Variants in SLC25A26 observed in about 807,000 individuals in gnomAD.
SLC25A26 encodes solute carrier family 25 member 26.
A neutral mutation model predicts 37.8 loss-of-function variants in SLC25A26; 36 were observed. That is an observed-to-expected ratio of 0.95 (90% CI 0.73 to 1.26). The LOEUF (loss-of-function observed/expected upper bound fraction) is 1.26, where lower values mean the gene tolerates loss of function less well. Ranked by LOEUF, SLC25A26 falls within the 50% of genes most tolerant of loss-of-function variation. SLC25A26 has a pLI of 0.00. For missense variants in SLC25A26, 390 were observed against 331.1 expected, an observed-to-expected ratio of 1.18 and a Z score of -1.38; for synonymous variants, 129 against 122.5, an observed-to-expected ratio of 1.05 and a Z score of -0.35.
At chr3:66,262,395 C>CTT (rs2073565806) in intron 4 of SLC25A26, among the ~76,000 whole-genome samples, 2 of 152,106 alleles carry the variant, frequency 1.3e-5, no homozygotes, top group Non-Finnish European at 2.9e-5. Context: ...AATCTTCCTG[C>CTT]AGTTCTTCTG....
At chr3:66,191,325 G>A (rs1463881600) in intron 1 of SLC25A26, among the ~76,000 whole-genome samples, 3 of 152,172 alleles carry the variant, frequency 2.0e-5, no homozygotes, top group Non-Finnish European at 2.9e-5. Flanking sequence ...AATCCAGGAG[G>A]TTGAGGCTGC....
intron 1 of SLC25A26, among the ~76,000 whole-genome samples, chr3:66,151,313 A>G (rs1466303558): frequency 2.0e-5 from 3 of 151,850 alleles, no homozygotes; most frequent in Non-Finnish European, 2.9e-5. Context: ...AAGCTGGTCT[A>G]CTCTGCTAGG....
At chr3:66,292,205 G>A (rs1436732931) in intron 5 of SLC25A26, among the ~76,000 whole-genome samples, 8 of 152,064 alleles carry the variant, frequency 5.3e-5, no homozygotes, top group Non-Finnish European at 1.2e-4. Context: ...TTGCACATGA[G>A]ATGGGCCTCC....
chr3:66,310,145 T>C (rs2075336571), intron 5 of SLC25A26, among the ~76,000 whole-genome samples: 1 of 152,244 alleles, frequency 6.6e-6, no homozygotes, highest in Non-Finnish European at 1.5e-5. Flanking sequence ...AGTTTCTTTG[T>C]AGGTCTCTAA....
upstream of SLC25A26, among the ~76,000 whole-genome samples, chr3:66,218,626 T>A: frequency 6.6e-6 from 1 of 152,338 alleles, no homozygotes; most frequent in South Asian, 2.1e-4. Flanking sequence ...GTGTAAACAA[T>A]AGACTATTGC....
chr3:66,275,788 C>G (rs1226981983), intron 5 of SLC25A26, among the ~76,000 whole-genome samples: 1 of 152,002 alleles, frequency 6.6e-6, no homozygotes, highest in South Asian at 2.1e-4. Context: ...ACAGTTACTC[C>G]TGTAACTATT....
At chr3:66,153,111 T>C (rs962731393) in intron 1 of SLC25A26, among the ~76,000 whole-genome samples, 5 of 152,206 alleles carry the variant, frequency 3.3e-5, no homozygotes, top group Non-Finnish European at 7.3e-5. Flanking sequence ...AGGGGCCATT[T>C]ATCAATGCAA....
intron 5 of SLC25A26, among the ~76,000 whole-genome samples, chr3:66,280,656 A>G (rs371201228): frequency 1.3e-5 from 2 of 152,284 alleles, no homozygotes; most frequent in East Asian, 3.9e-4. Flanking sequence ...ATGCATAGTA[A>G]CACCACCTTT....
At chr3:66,316,522 C>T (rs965981240) in intron 5 of SLC25A26, among the ~76,000 whole-genome samples, 8 of 152,094 alleles carry the variant, frequency 5.3e-5, no homozygotes, top group Non-Finnish European at 1.0e-4. Flanking sequence ...AGATGAGCGG[C>T]CTTTCTCTCT....
intron 9 of SLC25A26, among the ~76,000 whole-genome samples, chr3:66,374,818 T>TTGC (rs1021086387): frequency 3.3e-5 from 5 of 151,620 alleles, no homozygotes; most frequent in Admixed American, 6.6e-5. Context: ...CAGGTAGAGG[T>TTGC]TGCTGTGGGC....
intron 1 of SLC25A26, among the ~76,000 whole-genome samples, chr3:66,223,051 G>C (rs561641643): frequency 4.6e-5 from 7 of 152,298 alleles, no homozygotes; most frequent in Non-Finnish European, 7.4e-5. Context: ...GGGTATTGTG[G>C]TAGGCTTTGT....
intron 6 of SLC25A26, among the ~76,000 whole-genome samples, chr3:66,354,432 A>G (rs1319016953): frequency 6.6e-6 from 1 of 152,216 alleles, no homozygotes; most frequent in East Asian, 1.9e-4. Flanking sequence ...ATGCATTATC[A>G]CTTCACTTAT....
At chr3:66,368,737 G>T (rs1700171059) in intron 7 of SLC25A26, among the ~76,000 whole-genome samples, 1 of 152,176 alleles carries the variant, frequency 6.6e-6, no homozygotes, top group South Asian at 2.1e-4. Context: ...AGTGGTCCAG[G>T]CTGGGCGTGG....
intron 5 of SLC25A26, among the ~76,000 whole-genome samples, chr3:66,307,104 C>A (rs2075248219): frequency 6.6e-6 from 1 of 152,202 alleles, no homozygotes; most frequent in South Asian, 2.1e-4. Flanking sequence ...AATGGTTAAA[C>A]TAATTTACAC....
intron 3 of SLC25A26, among the ~76,000 whole-genome samples, chr3:66,254,715 G>A (rs534794921): frequency 1.3e-5 from 2 of 152,346 alleles, no homozygotes; most frequent in Non-Finnish European, 2.9e-5. Context: ...GTAGCTCTCT[G>A]ACCTTCAGCA....
chr3:66,357,307 A>G (rs1487901437), intron 6 of SLC25A26, among the ~76,000 whole-genome samples: 1 of 152,212 alleles, frequency 6.6e-6, no homozygotes, highest in Non-Finnish European at 1.5e-5. Flanking sequence ...CCAGTTACTC[A>G]GGAGGCTGAG....
intron 5 of SLC25A26, among the ~76,000 whole-genome samples, chr3:66,345,367 C>T (rs2076295325): frequency 6.6e-6 from 1 of 151,980 alleles, no homozygotes; most frequent in Non-Finnish European, 1.5e-5. Context: ...CTGTCTGCTT[C>T]CTCTTTCTTC....
chr3:66,241,037 G>A lies in SLC25A26; in HGVS notation c.191-2166G>A, dbSNP rs139213863. 6.8e-3 allele frequency among the ~76,000 whole-genome samples: 1,042 copies of A among 152,232 alleles called. 14 individuals are homozygous for A. Among genetic ancestry groups the A allele is most frequent in the African/African-American group, 0.024 (983 of 41,528 alleles). ...GCTGGGAATACAGGCGTGAGCCACC[G>A]TACCTGGCCACCTTTTCTTAATTTT... is the stretch of plus-strand genomic sequence containing the variant. On this transcript the variant is annotated intron_variant, in intron 2 of 9. Coordinates refer to ENST00000354883, the MANE Select transcript of SLC25A26 (RefSeq NM_001379210.1).
intron 6 of SLC25A26, among the ~76,000 whole-genome samples, chr3:66,361,839 C>T (rs1342791060): frequency 6.6e-6 from 1 of 151,962 alleles, no homozygotes; most frequent in African/African-American, 2.4e-5. Context: ...TGTTGGCAGG[C>T]GCCTGTAGTC....
Sources: allele counts gnomAD v4.1 joint callset (sites outside exome capture counted in the v4.1 genomes callset), GRCh38; gene constraint gnomAD v4.1.1; transcripts MANE v1.5; gene names NCBI Gene and HGNC (gene_info 2026-07-23, HGNC 2026-07-21).